The following ZNF704 variants were observed in gnomAD, a reference collection of about 807,000 sequenced individuals.
ZNF704 encodes the protein glucocorticoid induced gene 1.
In ZNF704, 10 loss-of-function variants were observed where a neutral mutation model predicts 44.7. The ratio of observed to expected loss-of-function variants is 0.22; its 90% CI spans 0.14 to 0.38. The LOEUF is 0.38. ZNF704 is among the 10% of genes least tolerant of loss of function. ZNF704 has a pLI of 1.00. For synonymous variants in ZNF704, 211 were observed against 207.6 expected, an observed-to-expected ratio of 1.02 and a Z score of -0.14; for missense variants, 390 against 545.5, an observed-to-expected ratio of 0.71 and a Z score of 2.84.
At chr8:80,739,645 T>A (rs1450971277) in intron 2 of ZNF704, among the ~76,000 whole-genome samples, 2 of 152,160 alleles carry the variant, frequency 1.3e-5, no homozygotes, top group South Asian at 4.1e-4. Context: ...GTTAGGAGAT[T>A]CCCAGCTCCA....
chr8:80,822,457 T>C (rs1458962560), intron 1 of ZNF704, among the ~76,000 whole-genome samples: 2 of 152,232 alleles, frequency 1.3e-5, no homozygotes, highest in African/African-American at 2.4e-5. Context: ...GATGGGACAT[T>C]TGGGTTGGTT....
intron 2 of ZNF704, among the ~76,000 whole-genome samples, chr8:80,737,135 T>G (rs1161763108): frequency 1.3e-5 from 2 of 152,252 alleles, no homozygotes; most frequent in Non-Finnish European, 2.9e-5. Context: ...ATGTTTCATC[T>G]CATGTTCGTT....
intron 2 of ZNF704, among the ~76,000 whole-genome samples, chr8:80,758,323 C>T (rs1807071533): frequency 1.3e-5 from 2 of 152,166 alleles, no homozygotes; most frequent in African/African-American, 2.4e-5. Flanking sequence ...TCTACCTTCA[C>T]TTAAGAGACT....
chr8:80,802,644 T>C (rs1292140743), intron 2 of ZNF704, among the ~76,000 whole-genome samples: 1 of 152,130 alleles, frequency 6.6e-6, no homozygotes, highest in Non-Finnish European at 1.5e-5. Context: ...CAAGATCACT[T>C]CATGTTAAAA....
chr8:80,723,677 C>T (rs1806417194), intron 2 of ZNF704, among the ~76,000 whole-genome samples: 1 of 152,120 alleles, frequency 6.6e-6, no homozygotes, highest in Non-Finnish European at 1.5e-5. Context: ...ATCAATATTA[C>T]ATCCTTTTCA....
At chr8:80,800,888 C>T (rs1341862380) in intron 2 of ZNF704, among the ~76,000 whole-genome samples, 1 of 152,048 alleles carries the variant, frequency 6.6e-6, no homozygotes, top group Admixed American at 6.5e-5. Flanking sequence ...GGAGCCAAGA[C>T]CCATCAGTAT....
At chr8:80,783,848 C>G (rs1807570448) in intron 2 of ZNF704, among the ~76,000 whole-genome samples, 1 of 152,074 alleles carries the variant, frequency 6.6e-6, no homozygotes, top group Non-Finnish European at 1.5e-5. Flanking sequence ...AAGGTAGTTT[C>G]ACTGCCTTAA....
intron 1 of ZNF704, among the ~76,000 whole-genome samples, chr8:80,864,227 CACTTG>C (rs752879294): frequency 1.1e-4 from 16 of 152,146 alleles, no homozygotes; most frequent in Non-Finnish European, 2.4e-4. Context: ...TTGTGAAATT[CACTTG>C]ACAACTTATT....
intron 1 of ZNF704, among the ~76,000 whole-genome samples, chr8:80,868,491 G>A (rs1171314537): frequency 6.6e-6 from 1 of 152,164 alleles, no homozygotes; most frequent in Admixed American, 6.5e-5. Flanking sequence ...AGTGATTAAA[G>A]GCACAGGCTA....
intron 1 of ZNF704, among the ~76,000 whole-genome samples, chr8:80,829,303 TG>T (rs1246120772): frequency 6.6e-6 from 1 of 152,038 alleles, no homozygotes; most frequent in Non-Finnish European, 1.5e-5. Flanking sequence ...TGCCTGGAGG[TG>T]GGGGGAGAGG....
In ZNF704 at chr8:80,647,224, G is replaced by A. The variant is rs114090097; in HGVS notation, c.1033-4095C>T. Among the ~76,000 whole-genome samples, 447 of 152,260 alleles carry A rather than the reference G, an allele frequency of 2.9e-3. 2 individuals are homozygous for A. The highest frequency in any genetic ancestry group is 0.01 in the African/African-American group (428 of 41,548). ...ATAAGTAGCTGACAGAAATGAAATA[G>A]GATAACAGGCTAAAGTGTAATAGAA... On this transcript the variant is annotated intron_variant, in intron 7 of 8. Coordinates refer to ENST00000327835, the MANE Select transcript of ZNF704 (RefSeq NM_001033723.3).
chr8:80,671,485 A>G (rs1405075824), intron 4 of ZNF704, among the ~76,000 whole-genome samples: 1 of 152,240 alleles, frequency 6.6e-6, no homozygotes, highest in African/African-American at 2.4e-5. Flanking sequence ...GGATTAAATG[A>G]CATCATGGAA....
At chr8:80,770,071 A>G (rs1807294544) in intron 2 of ZNF704, among the ~76,000 whole-genome samples, 1 of 152,162 alleles carries the variant, frequency 6.6e-6, no homozygotes, top group Non-Finnish European at 1.5e-5. Context: ...TGTGAGATGT[A>G]TTCACCATCA....
chr8:80,848,642 C>T (rs1311455532), intron 1 of ZNF704, among the ~76,000 whole-genome samples: 2 of 151,912 alleles, frequency 1.3e-5, no homozygotes, highest in East Asian at 3.9e-4. Context: ...CCCAGGAGTT[C>T]GAGACCAACC....
rs1440571358 is a variant in ZNF704 at position 80,665,046 on chromosome 8, C to T, written c.696G>A (p.Glu232=). The T allele has an allele frequency of 1.2e-6, 2 of 1,614,214 alleles. No homozygotes were observed. The highest frequency in any genetic ancestry group is 1.7e-6 in the Non-Finnish European group (2 of 1,180,038). ...GCTTGATCTCAGTGTAGTAAAAGTC[C>T]TCTTCTCCATCACTGTAGTCAGAGT... ...VGDSDYSDGE[E]DFYYTEIKLN... is the part of the protein sequence containing the mutation. The change falls in exon 6 of 9, where the codon GAG becomes GAA. Residue 232 remains glutamate (E), a synonymous_variant. Transcript: ENST00000327835.
chr8:80,752,915 C>T (rs1806971891), intron 2 of ZNF704, among the ~76,000 whole-genome samples: 1 of 152,194 alleles, frequency 6.6e-6, no homozygotes, highest in East Asian at 1.9e-4. Flanking sequence ...CTTTCAGTTG[C>T]AGTAGGAAAG....
chr8:80,861,990 CCTT>C (rs1809069904), intron 1 of ZNF704, among the ~76,000 whole-genome samples: 1 of 135,920 alleles, frequency 7.4e-6, no homozygotes, highest in South Asian at 2.3e-4. Flanking sequence ...AAAAAAATAA[CCTT>C]TTTTTTTTTT....
chr8:80,825,415 G>A (rs145236196), intron 1 of ZNF704, among the ~76,000 whole-genome samples: 5,330 of 152,260 alleles, frequency 0.035, 328 homozygotes, highest in African/African-American at 0.12. Flanking sequence ...GGAGCACCCA[G>A]ATTCATAAAG....
At chr8:80,731,764 G>GA (rs1217859362) in intron 2 of ZNF704, among the ~76,000 whole-genome samples, 1 of 151,896 alleles carries the variant, frequency 6.6e-6, no homozygotes, top group Non-Finnish European at 1.5e-5. Flanking sequence ...TCCATCTCTA[G>GA]AAAAAAACAA....
Sources: allele counts gnomAD v4.1 joint callset (sites outside exome capture counted in the v4.1 genomes callset), GRCh38; gene constraint gnomAD v4.1.1; transcripts MANE v1.5; gene names NCBI Gene and HGNC (gene_info 2026-07-23, HGNC 2026-07-21).